The following HECTD4 variants were observed in gnomAD, a reference collection of about 807,000 sequenced individuals.
HECTD4 encodes the protein HECT domain E3 ubiquitin protein ligase 4.
In HECTD4, 114 loss-of-function variants were observed where a neutral mutation model predicts 471.5. That is an observed-to-expected ratio of 0.24 (90% confidence interval 0.21 to 0.28). HECTD4 has a LOEUF of 0.28. HECTD4 is among the 10% of genes least tolerant of loss of function. The pLI is 1.00. For missense variants in HECTD4, 3,866 were observed against 5,651.5 expected (o/e 0.68, Z 10.13); for synonymous variants, 2,012 against 2,256.0 (o/e 0.89, Z 3.07).
rs755205886 is a variant in HECTD4, at chr12:112,267,179, C to T, written c.2322-197G>A. The T allele has an allele frequency of 9.0e-5, 51 of 563,612 alleles. 1 individual carries two copies. The highest frequency in any genetic ancestry group is 1.5e-4 in the Non-Finnish European group (46 of 313,200). The allele number at this position is 563,612 out of a possible 1,614,324, so 34.9% of individuals were successfully genotyped here. Reference sequence around the variant, plus strand: ...GGCAGGTGTGCCCTTCCTCCCTCACCGCTCCATGTGCGTCCCTCCCGAAGC... The same window carrying T: ...GGCAGGTGTGCCCTTCCTCCCTCACTGCTCCATGTGCGTCCCTCCCGAAGC... On this transcript the variant is annotated intron_variant, in intron 13 of 75. Coordinates refer to ENST00000682272, the MANE Select transcript of HECTD4 (RefSeq NM_001388303.1).
chr12:112,352,335 C>CTTTT, intron 1 of HECTD4, among the ~76,000 whole-genome samples: 1 of 136,694 alleles, frequency 7.3e-6, no homozygotes, highest in Non-Finnish European at 1.6e-5. Flanking sequence ...GATGGAGCAT[C>CTTTT]TTTTTTTTTT....
chr12:112,298,466 A>T (rs545616448), intron 7 of HECTD4, among the ~76,000 whole-genome samples: 3 of 150,472 alleles, frequency 2.0e-5, no homozygotes, highest in Admixed American at 6.6e-5. Context: ...TTTAATTTTT[A>T]AAAAATTATA....
At chr12:112,259,893 G>A (rs2034105950) in intron 18 of HECTD4, among the ~76,000 whole-genome samples, 1 of 152,052 alleles carries the variant, frequency 6.6e-6, no homozygotes, top group African/African-American at 2.4e-5. Flanking sequence ...CTGGTCTAGA[G>A]AAACTGAGGC....
intron 2 of HECTD4, among the ~76,000 whole-genome samples, chr12:112,318,677 T>C (rs1016793651): frequency 1.3e-5 from 2 of 152,222 alleles, no homozygotes; most frequent in Admixed American, 1.3e-4. Flanking sequence ...TCCAGCCATG[T>C]GTACTACTAT....
chr12:112,318,010 T>C (rs2035516297), intron 2 of HECTD4, among the ~76,000 whole-genome samples: 1 of 141,790 alleles, frequency 7.1e-6, no homozygotes, highest in African/African-American at 2.6e-5. Context: ...GCACAGTGGC[T>C]CATGCCTGTA....
Position 112,172,826 on chromosome 12 carries a change from G to A in HECTD4, c.11630C>T (p.Ala3877Val). The stretch of plus-strand genomic sequence containing the variant: ...CATCTCCAGGGTCCACTTTCTTGAG[G>A]CCTTCTGTGCATGTCGGACATCGAT... ...ACIDVRHAQK[A>V]SRKWTLEMDV... Residue 3877 changes from alanine to valine, a missense_variant, in exon 67 of 76, where the codon GCC becomes GTC. This residue lies in a region of HECTD4 where 715 missense variants were observed against 1,087.6 expected (regional missense o/e 0.66). Transcript: ENST00000682272. 6.2e-7 allele frequency: 1 copy of A among 1,614,018 alleles called. No individual in the cohort carries two copies. The highest frequency in any genetic ancestry group is 8.5e-7 in the Non-Finnish European group (1 of 1,179,892).
chr12:112,260,593 T>C (rs1045666161), intron 18 of HECTD4, among the ~76,000 whole-genome samples: 1 of 152,040 alleles, frequency 6.6e-6, no homozygotes, highest in Non-Finnish European at 1.5e-5. Flanking sequence ...TTTTTTTTTT[T>C]TGAGACAGAG....
intron 7 of HECTD4, among the ~76,000 whole-genome samples, chr12:112,293,339 T>A (rs936816691): frequency 1.5e-5 from 2 of 134,846 alleles, no homozygotes; most frequent in Non-Finnish European, 3.1e-5. Flanking sequence ...CACTCCAGCC[T>A]GGGCAACAGA....
Position 112,248,346 on chromosome 12 carries a change from G to A in HECTD4, c.4117C>T (p.Leu1373Phe), listed in dbSNP as rs2033807028. The change falls in exon 26 of 76, where the codon CTC (leucine) becomes TTC (phenylalanine). Residue 1373 changes from leucine to phenylalanine, a missense_variant. By Grantham distance (22) the Leu-to-Phe change is conservative. Around this residue, in one of 16 missense-constraint regions of HECTD4, gnomAD observed 281 missense variants for 499.9 expected, o/e 0.56. Transcript: ENST00000682272. ...TGCAGCTGTCTCTCCATGGCATTGA[G>A]TTTCTTAAAGGTCTCTCCCATAATT... The part of the protein sequence containing the change: ...CKIMGETFKK[L>F]NAMERQLQSV... 6.2e-7 allele frequency: 1 copy of A among 1,601,298 alleles called. No homozygotes were observed. The highest frequency in any genetic ancestry group is 8.5e-7 in the Non-Finnish European group (1 of 1,173,454).
chr12:112,373,650 T>G (rs1012475436), intron 1 of HECTD4, among the ~76,000 whole-genome samples: 1 of 152,166 alleles, frequency 6.6e-6, no homozygotes, highest in East Asian at 1.9e-4. Flanking sequence ...CTCAATATGC[T>G]GGCGCTGTTG....
intron 1 of HECTD4, among the ~76,000 whole-genome samples, chr12:112,334,207 T>TTAAA (rs35774693): frequency 0.059 from 8,468 of 142,640 alleles, 290 homozygotes; most frequent in Middle Eastern, 0.081. Flanking sequence ...AGACTCCCTC[T>TTAAA]TAAATAAATA....
intron 1 of HECTD4, among the ~76,000 whole-genome samples, chr12:112,379,277 A>G (rs998920684): frequency 6.6e-6 from 1 of 152,218 alleles, no homozygotes; most frequent in African/African-American, 2.4e-5. Context: ...GAACAAGTCG[A>G]ATACCTACTC....
chr12:112,212,673 A>T, intron 48 of HECTD4, 23 bp from the exon 49 acceptor site: 1 of 1,571,782 alleles, frequency 6.4e-7, no homozygotes, highest in Non-Finnish European at 8.6e-7. Flanking sequence ...ACGGGAAGGA[A>T]AACATATTTT....
At chr12:112,181,040 C>T (rs1010216364) in intron 62 of HECTD4, among the ~76,000 whole-genome samples, 6 of 151,728 alleles carry the variant, frequency 4.0e-5, no homozygotes, top group Admixed American at 2.0e-4. Context: ...GGCAGGCCTC[C>T]GCAGGATTAC....
At position 112,162,506 on chromosome 12, in the gene HECTD4, A is replaced by G; in HGVS notation, c.13138T>C (p.Tyr4380His). 2 of 1,614,030 alleles carry G rather than the reference A, an allele frequency of 1.2e-6. No homozygotes were observed. The highest frequency in any genetic ancestry group is 1.7e-6 in the Non-Finnish European group (2 of 1,179,894). Residue 4380 changes from tyrosine (Y) to histidine (H), a missense_variant, in exon 76 of 76, where the codon TAC (tyrosine) becomes CAC (histidine). This residue lies in a region of HECTD4 where 715 missense variants were observed against 1,087.6 expected (regional missense o/e 0.66). Coordinates refer to ENST00000682272, the MANE Select transcript of HECTD4 (RefSeq NM_001388303.1). The surrounding 1 kb of genome is among the most constrained non-coding windows in gnomAD (Gnocchi z 5.2). Reference sequence around the variant, plus strand: ...AACATGCAGGTCTCCACGCGGATGTAGCGAGAGTCTGGGGAACCTACAAGA... The same window carrying G: ...AACATGCAGGTCTCCACGCGGATGTGGCGAGAGTCTGGGGAACCTACAAGA... ...DGTAGSPDSRYIRVETCMFMI... is the reference protein window; with the variant it reads ...DGTAGSPDSRHIRVETCMFMI...
At chr12:112,182,771 G>A (rs775378535) in intron 62 of HECTD4, among the ~76,000 whole-genome samples, 8 of 152,256 alleles carry the variant, frequency 5.3e-5, no homozygotes, top group African/African-American at 1.7e-4. Context: ...GGCCTTCAGC[G>A]CCCTGACAGC....
At chr12:112,310,438 G>A (rs1417206438) in intron 4 of HECTD4, among the ~76,000 whole-genome samples, 1 of 152,122 alleles carries the variant, frequency 6.6e-6, no homozygotes, top group Non-Finnish European at 1.5e-5. Flanking sequence ...CTCTCTATAT[G>A]ATGGTAATTG....
At chr12:112,304,132 AGT>A in intron 7 of HECTD4, among the ~76,000 whole-genome samples, 1 of 151,978 alleles carries the variant, frequency 6.6e-6, no homozygotes, top group Middle Eastern at 3.4e-3. Flanking sequence ...AAAAGAAAAA[AGT>A]GTGTGGATTT....
rs1366451396 is a variant in HECTD4 at position 112,235,285 on chromosome 12, G to C, written c.5726-19C>G. On this transcript the variant is annotated intron_variant, in intron 36 of 75. Transcript: ENST00000682272. The surrounding 1 kb of genome is among the most constrained non-coding windows in gnomAD (Gnocchi z 5.0). The stretch of plus-strand genomic sequence containing the variant: ...TGACATCCTTTAAGCAAAAAACAAA[G>C]CTCATTCAGGAAAACTGCAGTGTTG... 1 of 1,598,010 alleles carries C rather than the reference G, an allele frequency of 6.3e-7. No individual in the cohort carries two copies. The highest frequency in any genetic ancestry group is 8.5e-7 in the Non-Finnish European group (1 of 1,173,038).
Sources: gnomAD v4.1 joint callset for allele counts (sites outside exome capture counted in the v4.1 genomes callset) on GRCh38, gnomAD v4.1.1 for gene constraint, gnomAD v4.1.1 regional missense constraint, Gnocchi (gnomAD v3.1) non-coding constraint, MANE v1.5 for transcripts, NCBI Gene and HGNC (gene_info 2026-07-23, HGNC 2026-07-21) for gene names.